The following ROBO1 variants were observed in gnomAD, a reference collection of about 807,000 sequenced individuals.
ROBO1 encodes roundabout homolog 1.
In ROBO1, 149 loss-of-function variants were observed where a neutral mutation model predicts 195.9. That is an observed-to-expected ratio of 0.76 (90% CI 0.67 to 0.87). The LOEUF is 0.87. Among genes scored for constraint, ROBO1 ranks in the 40% least tolerant of loss-of-function variants. The probability of loss-of-function intolerance (pLI) is 0.00; values close to 1 mark genes in which losing one functional copy is unlikely to be tolerated. For synonymous variants in ROBO1, 816 were observed against 733.2 expected, an observed-to-expected ratio of 1.11 and a Z score of -1.82; for missense variants, 1,933 against 2,068.3, an observed-to-expected ratio of 0.93 and a Z score of 1.27.
intron 10 of ROBO1, among the ~76,000 whole-genome samples, chr3:78,675,533 A>G (rs959322457): frequency 6.6e-6 from 1 of 152,164 alleles, no homozygotes; most frequent in Non-Finnish European, 1.5e-5. Flanking sequence ...CTTGGCTCGG[A>G]GGGTCCTACA....
At chr3:78,947,803 A>G (rs916819288) in intron 3 of ROBO1, among the ~76,000 whole-genome samples, 2 of 152,186 alleles carry the variant, frequency 1.3e-5, no homozygotes, top group Non-Finnish European at 2.9e-5. Flanking sequence ...AAAAGAGAGA[A>G]GAATCAAATA....
intron 3 of ROBO1, among the ~76,000 whole-genome samples, chr3:79,042,088 A>T (rs2078497480): frequency 6.6e-6 from 1 of 152,190 alleles, no homozygotes; most frequent in African/African-American, 2.4e-5. Context: ...ATAATAAAAA[A>T]GGATGAAGGC....
Position 79,400,312 on chromosome 3 carries a change from C to A in ROBO1, c.88+189512G>T, listed in dbSNP as rs190853866. ...CACAACACACACACACTTACGCACA[C>A]CAAGTTGCACATTTAACAAATGCTA... On this transcript the variant is annotated intron_variant, in intron 2 of 30. Coordinates refer to ENST00000464233, the MANE Select transcript of ROBO1 (RefSeq NM_002941.4). 2.6e-5 allele frequency among the ~76,000 whole-genome samples: 4 copies of A among 152,160 alleles called. No homozygotes were observed. In the East Asian group the frequency reaches 7.7e-4, roughly 29 times the overall value.
intron 2 of ROBO1, among the ~76,000 whole-genome samples, chr3:79,283,696 A>T (rs1242188788): frequency 6.7e-6 from 1 of 148,386 alleles, no homozygotes; most frequent in Non-Finnish European, 1.5e-5. Flanking sequence ...TTTATCCATG[A>T]ATTCTTTTTT....
At chr3:79,571,972 TA>T (rs1943293141) in intron 2 of ROBO1, among the ~76,000 whole-genome samples, 1 of 152,024 alleles carries the variant, frequency 6.6e-6, no homozygotes, top group Non-Finnish European at 1.5e-5. Flanking sequence ...TAAGTGGAAT[TA>T]AAAAACACTA....
intron 4 of ROBO1, among the ~76,000 whole-genome samples, chr3:78,879,979 T>G (rs2036085106): frequency 6.6e-6 from 1 of 152,134 alleles, no homozygotes; most frequent in Non-Finnish European, 1.5e-5. Context: ...TGAAAGACAA[T>G]CATTACTCCA....
rs149639021 is a variant in ROBO1 at position 79,079,488 on chromosome 3, G to A, written c.172+45968C>T. On this transcript the variant is annotated intron_variant, in intron 3 of 30. Coordinates refer to ENST00000464233, the MANE Select transcript of ROBO1 (RefSeq NM_002941.4). Reference sequence around the variant, plus strand: ...TTACGAGTGAAAAGAAGTGGGCCGAGAGACTGCTGTAATGTCAAAATTGAA... The same window carrying A: ...TTACGAGTGAAAAGAAGTGGGCCGAAAGACTGCTGTAATGTCAAAATTGAA... Among the ~76,000 whole-genome samples the A allele has an allele frequency of 2.5e-3, 377 of 151,906 alleles. 4 individuals are homozygous for A. The highest frequency in any genetic ancestry group is 8.7e-3 in the African/African-American group (361 of 41,518).
In ROBO1 at chr3:78,627,488, T is replaced by G. The variant is rs1055981533; in HGVS notation, c.3708A>C (p.Glu1236Asp). ...CCCGAACAGGGGGAGTGGGGCCTCG[T>G]TCATCTTCCTCCTCTTCTAATTCAT... ...QQDELEEEEDERGPTPPVRGA... is the reference protein window; with the variant it reads ...QQDELEEEEDDRGPTPPVRGA... The change falls in exon 26 of 31, where the codon GAA (glutamate) becomes GAC (aspartate). Residue 1236 changes from glutamate to aspartate, a missense_variant. By Grantham distance (45) the Glu-to-Asp change is conservative (BLOSUM62 2). Transcript: ENST00000464233. 1 of 1,613,128 alleles carries G rather than the reference T, an allele frequency of 6.2e-7. No individual in the cohort carries two copies. Among genetic ancestry groups the G allele is most frequent in the Non-Finnish European group, 8.5e-7 (1 of 1,179,642 alleles).
At chr3:78,830,799 G>A (rs961338407) in intron 4 of ROBO1, among the ~76,000 whole-genome samples, 1 of 152,166 alleles carries the variant, frequency 6.6e-6, no homozygotes, top group Non-Finnish European at 1.5e-5. Flanking sequence ...TATAAATCTA[G>A]AAATAGATTT....
At chr3:79,149,513 TTTGTTGTTG>T (rs4068910) in intron 2 of ROBO1, among the ~76,000 whole-genome samples, 9 of 149,138 alleles carry the variant, frequency 6.0e-5, no homozygotes, top group Non-Finnish European at 7.4e-5. Context: ...TCGAACTGTG[TTTGTTGTTG>T]TTGTTGTTGT....
At chr3:79,585,386 G>T (rs1319311227) in intron 2 of ROBO1, among the ~76,000 whole-genome samples, 2 of 151,922 alleles carry the variant, frequency 1.3e-5, no homozygotes, top group Admixed American at 6.6e-5. Context: ...AAAACCCACT[G>T]ATCTGCTTAT....
chr3:78,745,814 C>G (rs967954982), intron 5 of ROBO1, among the ~76,000 whole-genome samples: 2 of 152,164 alleles, frequency 1.3e-5, no homozygotes, highest in Admixed American at 1.3e-4. Context: ...ACTTTTCTCA[C>G]TATTAATTTT....
At chr3:79,553,475 A>G (rs1247356274) in intron 2 of ROBO1, among the ~76,000 whole-genome samples, 1 of 152,056 alleles carries the variant, frequency 6.6e-6, no homozygotes, top group African/African-American at 2.4e-5. Context: ...TATGCATAAA[A>G]TTCTCATTCA....
At chr3:78,702,049 AT>A in intron 8 of ROBO1, among the ~76,000 whole-genome samples, 2 of 152,326 alleles carry the variant, frequency 1.3e-5, no homozygotes, top group East Asian at 3.9e-4. Flanking sequence ...TATACAAAAT[AT>A]TTTTAAAAAC....
intron 4 of ROBO1, among the ~76,000 whole-genome samples, chr3:78,864,607 A>C (rs1417186114): frequency 6.6e-6 from 1 of 152,092 alleles, no homozygotes; most frequent in Non-Finnish European, 1.5e-5. Flanking sequence ...AAGTAAATAC[A>C]TGTATTTTGA....
At chr3:79,477,895 G>T (rs1246129235) in intron 2 of ROBO1, among the ~76,000 whole-genome samples, 1 of 152,092 alleles carries the variant, frequency 6.6e-6, no homozygotes, top group African/African-American at 2.4e-5. Flanking sequence ...TTGTCCAAAG[G>T]CCTATGCATG....
chr3:79,120,670 T>C (rs561109566), intron 3 of ROBO1, among the ~76,000 whole-genome samples: 1 of 151,912 alleles, frequency 6.6e-6, no homozygotes, highest in South Asian at 2.1e-4. Context: ...GAGGGAGGTG[T>C]CAGAGAAAAT....
intron 2 of ROBO1, among the ~76,000 whole-genome samples, chr3:79,214,014 C>T (rs945716421): frequency 4.0e-5 from 6 of 151,498 alleles, no homozygotes; most frequent in Admixed American, 6.6e-5. Flanking sequence ...TTAGTAGAGA[C>T]GGGATTTCAC....
At chr3:78,614,548 A>T (rs561844285) in intron 28 of ROBO1, 100 bp downstream of exon 28, 2 of 1,278,108 alleles carry the variant, frequency 1.6e-6, no homozygotes. Flanking sequence ...ATAAATTTTT[A>T]ATGTAATTTC....
Sources: allele counts gnomAD v4.1 joint callset (sites outside exome capture counted in the v4.1 genomes callset), GRCh38; gene constraint gnomAD v4.1.1; transcripts MANE v1.5; gene names NCBI Gene and HGNC (gene_info 2026-07-23, HGNC 2026-07-21).